MAP6: variants seen among roughly 807,000 people sequenced by gnomAD.
MAP6 encodes the protein microtubule-associated protein 6.
MAP6 carries 26 observed loss-of-function variants against 42.4 expected under a neutral mutation model. The ratio of observed to expected loss-of-function variants is 0.61; its 90% CI spans 0.45 to 0.85. The LOEUF is 0.85. Ranked by LOEUF, MAP6 falls within the 40% of genes least tolerant of loss-of-function variation. The pLI is 0.00. For synonymous variants in MAP6, 418 were observed against 443.8 expected (o/e 0.94, Z 0.73); for missense variants, 966 against 1,099.0 (o/e 0.88, Z 1.71).
chr11:75,668,079 C>A lies in MAP6; in HGVS notation c.291G>T (p.Ala97=). ...GGCCCGGCCCGCTCCGGCCGGGGCC[C>A]GCCGCCGGCTCGCGCTCGCCGGTAG... The part of the protein sequence containing the change: ...PGPTGEREPA[A]GPGRSGPGPG... Residue 97 remains alanine, a synonymous_variant, in exon 1 of 4, where the codon GCG becomes GCT. Coordinates refer to ENST00000304771, the MANE Select transcript of MAP6 (RefSeq NM_033063.2). The A allele has an allele frequency of 3.3e-6, 4 of 1,220,672 alleles. No individual in the cohort carries two copies. Among genetic ancestry groups the A allele is most frequent in the South Asian group, 3.9e-5 (1 of 25,468 alleles). The allele number at this position is 1,220,672 out of a possible 1,614,324, so 75.6% of individuals were successfully genotyped here. A position where few individuals can be genotyped will look rare whatever the true frequency, so the allele number is the denominator to read the frequency against.
Position 75,667,957 on chromosome 11 carries a change from CG to C in MAP6, c.412del (p.Arg138GlyfsTer160). On this transcript the variant is annotated frameshift_variant, in exon 1 of 4. Coordinates refer to ENST00000304771, the MANE Select transcript of MAP6 (RefSeq NM_033063.2). LOFTEE classifies it high-confidence loss of function. The surrounding 1 kb of genome is among the most constrained non-coding windows in gnomAD (Gnocchi z 5.6). ...GGAGGGCTGGTATTCGCTGCGCGGC[CG>C]GCAGCTGGGCTCGGGCCGCTGCACC... is the stretch of plus-strand genomic sequence containing the variant. Reference protein sequence around the residue: ...WKVQRPEPSCRPRSEYQPSDA... With the variant: ...WKVQRPEPSCXPRSEYQPSDA... The C allele has an allele frequency of 7.5e-7, 1 of 1,334,760 alleles. No individual in the cohort carries two copies. Among genetic ancestry groups the C allele is most frequent in the South Asian group, 1.9e-5 (1 of 52,962 alleles). 82.7% of individuals were successfully genotyped at this position (1,334,760 alleles called of 1,614,324 possible).
chr11:75,587,483 CCTTGATT>C lies in MAP6; in HGVS notation c.2011_2017del (p.Asn671ValfsTer2). On this transcript the variant is annotated frameshift_variant, in exon 4 of 4. Transcript: ENST00000304771. LOFTEE classifies it low-confidence loss of function (END_TRUNC). Reference sequence around the variant, plus strand: ...CTTGACTGGCCCTGAGACCACTAAACCTTGATTCTTTACAGGCTCAGAGACCATGGAA... The same window carrying C: ...CTTGACTGGCCCTGAGACCACTAAACCTTTACAGGCTCAGAGACCATGGAA... The C allele has an allele frequency of 6.2e-7, 1 of 1,614,148 alleles. No individual in the cohort carries two copies. The highest frequency in any genetic ancestry group is 1.1e-5 in the South Asian group (1 of 91,080).
At chr11:75,593,142 T>C (rs1942510065) in intron 3 of MAP6, among the ~76,000 whole-genome samples, 1 of 152,236 alleles carries the variant, frequency 6.6e-6, no homozygotes, top group Non-Finnish European at 1.5e-5. Flanking sequence ...TTTGGATTAA[T>C]GTTTCTCCCA....
At chr11:75,646,700 T>C (rs1230866162) in intron 1 of MAP6, among the ~76,000 whole-genome samples, 1 of 151,664 alleles carries the variant, frequency 6.6e-6, no homozygotes, top group Admixed American at 6.6e-5. Context: ...ATCGGGAGGC[T>C]GAGGCAGGAG....
At chr11:75,654,884 G>A (rs1047762627) in intron 1 of MAP6, among the ~76,000 whole-genome samples, 1 of 152,110 alleles carries the variant, frequency 6.6e-6, no homozygotes, top group Non-Finnish European at 1.5e-5. Context: ...CAGCTTTGAT[G>A]GACACTAAAT....
intron 1 of MAP6, among the ~76,000 whole-genome samples, chr11:75,656,149 A>G (rs993057482): frequency 1.3e-5 from 2 of 152,224 alleles, no homozygotes; most frequent in Admixed American, 6.5e-5. Context: ...GCAAAAATGC[A>G]CTATGCACTC....
At chr11:75,631,010 G>GT (rs1943276310) in intron 1 of MAP6, among the ~76,000 whole-genome samples, 1 of 152,186 alleles carries the variant, frequency 6.6e-6, no homozygotes, top group African/African-American at 2.4e-5. Flanking sequence ...CCACTTTAAA[G>GT]TTATCATGAC....
At position 75,630,926 on chromosome 11, in the gene MAP6, C is replaced by T. The variant is rs182753514; in HGVS notation, c.906-22604G>A. On this transcript the variant is annotated intron_variant, in intron 1 of 3. Coordinates refer to ENST00000304771, the MANE Select transcript of MAP6 (RefSeq NM_033063.2). ...CTGTTCTTACCCTTGTGGTGAAGCC[C>T]TGGAATCTGTATTTTAACAAGTTCC... 2.4e-3 allele frequency among the ~76,000 whole-genome samples: 371 copies of T among 152,282 alleles called. 7 individuals carry two copies. Among genetic ancestry groups the T allele is most frequent in the Non-Finnish European group, 1.2e-3 (81 of 68,034 alleles).
chr11:75,587,751 C>G lies in MAP6; in HGVS notation c.1750G>C (p.Glu584Gln), dbSNP rs145568662. ...ACAGATGCTGAGACCATGGGACCTTCATCCTTGACAGGTGCTGGGACCATA... is the reference window on the plus strand; with the variant it reads ...ACAGATGCTGAGACCATGGGACCTTGATCCTTGACAGGTGCTGGGACCATA... ...APMVPAPVKDEGPMVSASVKD... is the reference protein window; with the variant it reads ...APMVPAPVKDQGPMVSASVKD... Residue 584 changes from glutamate (E) to glutamine (Q), a missense_variant, in exon 4 of 4, where the codon GAA (glutamate) becomes CAA (glutamine). Around this residue, in one of 2 missense-constraint regions of MAP6, gnomAD observed 943 missense variants for 1,049.9 expected, o/e 0.90. Transcript: ENST00000304771. 6 of 1,608,172 alleles carry G rather than the reference C, an allele frequency of 3.7e-6. No individual in the cohort carries two copies. The highest frequency in any genetic ancestry group is 5.1e-6 in the Non-Finnish European group (6 of 1,176,790).
intron 1 of MAP6, among the ~76,000 whole-genome samples, chr11:75,639,463 T>G (rs573009521): frequency 2.6e-5 from 4 of 152,342 alleles, no homozygotes; most frequent in African/African-American, 9.6e-5. Context: ...CGGATGCCGC[T>G]GGTTGAGATG....
At chr11:75,609,472 G>A (rs1942849126) in intron 1 of MAP6, among the ~76,000 whole-genome samples, 1 of 152,232 alleles carries the variant, frequency 6.6e-6, no homozygotes, top group Non-Finnish European at 1.5e-5. Flanking sequence ...GGAGGCCGCA[G>A]GAGGCAGGAG....
chr11:75,593,264 G>T (rs954974647), intron 3 of MAP6, among the ~76,000 whole-genome samples: 1 of 152,216 alleles, frequency 6.6e-6, no homozygotes, highest in Non-Finnish European at 1.5e-5. Flanking sequence ...CTTAATACTT[G>T]AGTGAATGAA....
chr11:75,638,896 C>T (rs956538938), intron 1 of MAP6, among the ~76,000 whole-genome samples: 1 of 152,148 alleles, frequency 6.6e-6, no homozygotes, highest in Non-Finnish European at 1.5e-5. Flanking sequence ...GATATAGAAT[C>T]AATCTGTGTC....
At chr11:75,592,126 T>C (rs1320677368) in intron 3 of MAP6, among the ~76,000 whole-genome samples, 1 of 152,238 alleles carries the variant, frequency 6.6e-6, no homozygotes, top group Non-Finnish European at 1.5e-5. Flanking sequence ...CCCACTTTTC[T>C]TTGTCAAGGC....
At chr11:75,625,088 G>C (rs993141936) in intron 1 of MAP6, among the ~76,000 whole-genome samples, 5 of 152,186 alleles carry the variant, frequency 3.3e-5, no homozygotes, top group African/African-American at 1.2e-4. Context: ...AGGAATCTCA[G>C]GGCAGTTTTA....
Position 75,606,024 on chromosome 11 carries a change from G to T in MAP6, c.1120-20C>A, listed in dbSNP as rs199654964. The T allele has an allele frequency of 5.0e-6, 8 of 1,609,230 alleles. No individual in the cohort carries two copies. In the African/African-American group the frequency reaches 5.3e-5, roughly 11 times the overall value. ...TTCCACCTGTACGGAGAGACAGACC[G>T]CAAATACAGAAACACAAAAAGGTGG... On this transcript the variant is annotated intron_variant, in intron 2 of 3. Transcript: ENST00000304771.
intron 1 of MAP6, among the ~76,000 whole-genome samples, chr11:75,634,547 G>A (rs947691214): frequency 1.3e-5 from 2 of 152,222 alleles, no homozygotes; most frequent in Non-Finnish European, 2.9e-5. Context: ...GAGATTACAA[G>A]TGTGAGCCAC....
chr11:75,631,972 C>A (rs1042154116), intron 1 of MAP6, among the ~76,000 whole-genome samples: 4 of 152,074 alleles, frequency 2.6e-5, no homozygotes, highest in African/African-American at 9.7e-5. Flanking sequence ...CTCTGCGAGC[C>A]CCATACAGAC....
chr11:75,598,457 A>G (rs1942618254), intron 3 of MAP6, among the ~76,000 whole-genome samples: 1 of 152,220 alleles, frequency 6.6e-6, no homozygotes, highest in Non-Finnish European at 1.5e-5. Flanking sequence ...TTATGCAATC[A>G]AGACTGTTTA....
Sources: allele counts gnomAD v4.1 joint callset (sites outside exome capture counted in the v4.1 genomes callset), GRCh38; gene constraint gnomAD v4.1.1; regional missense constraint gnomAD v4.1.1; non-coding constraint Gnocchi (gnomAD v3.1); transcripts MANE v1.5; gene names NCBI Gene and HGNC (gene_info 2026-07-23, HGNC 2026-07-21).